The following STARD9 variants were observed in gnomAD, a reference collection of about 807,000 sequenced individuals.
STARD9 encodes StAR related lipid transfer domain containing 9.
Under a neutral mutation model 399.8 loss-of-function variants are expected in STARD9, and 346 were observed. That is an observed-to-expected ratio of 0.87 (90% CI 0.79 to 0.95). The LOEUF (loss-of-function observed/expected upper bound fraction) is 0.95, where lower values mean the gene tolerates loss of function less well. STARD9 is among the 40% of genes least tolerant of loss of function. The probability of loss-of-function intolerance (pLI) is 0.00; values close to 1 mark genes in which losing one functional copy is unlikely to be tolerated. For synonymous variants in STARD9, 2,203 were observed against 2,143.5 expected, an observed-to-expected ratio of 1.03 and a Z score of -0.77; for missense variants, 5,832 against 5,667.5, an observed-to-expected ratio of 1.03 and a Z score of -0.93.
chr15:42,661,841 A>G (rs2059999442), intron 10 of STARD9, among the ~76,000 whole-genome samples: 1 of 152,158 alleles, frequency 6.6e-6, no homozygotes, highest in Non-Finnish European at 1.5e-5. Flanking sequence ...AAGCATCAGG[A>G]TATTGTTAAA....
At chr15:42,626,393 T>TTCCTCCTCCTCTTCTTCCTCC (rs1487117215) in intron 3 of STARD9, among the ~76,000 whole-genome samples, 3 of 126,810 alleles carry the variant, frequency 2.4e-5, no homozygotes, top group Non-Finnish European at 3.3e-5. Context: ...CCTCTTCCTC[T>TTCCTCCTCCTCTTCTTCCTCC]TCCTCCTCCT....
intron 4 of STARD9, among the ~76,000 whole-genome samples, chr15:42,635,697 G>T (rs1299460424): frequency 2.6e-5 from 4 of 152,166 alleles, no homozygotes; most frequent in Non-Finnish European, 1.5e-5. Context: ...AGCAGTTCTT[G>T]TCAGTCCTGC....
Position 42,588,776 on chromosome 15 carries a change from G to GTTTTTTT in STARD9, c.234+3172_234+3178dup, listed in dbSNP as rs758570571. 3.1e-4 allele frequency among the ~76,000 whole-genome samples: 12 copies of GTTTTTTT among 38,414 alleles called. 3 individuals are homozygous for GTTTTTTT. Among genetic ancestry groups the GTTTTTTT allele is most frequent in the African/African-American group, 4.7e-4 (4 of 8,456 alleles). 25.2% of individuals were successfully genotyped at this position (38,414 alleles called of 152,430 possible). A position where few individuals can be genotyped will look rare whatever the true frequency, so the allele number is the denominator to read the frequency against. ...TAACCCAGTTTATCCTCTTCACAGC[G>GTTTTTTT]TTTTTTTTTTTTTTTTTTTTTTTTT... On this transcript the variant is annotated intron_variant, in intron 3 of 32. Coordinates refer to ENST00000290607, the MANE Select transcript of STARD9 (RefSeq NM_020759.3).
chr15:42,671,350 T>C (rs551363637), intron 16 of STARD9: 2 of 152,076 alleles, frequency 1.3e-5, no homozygotes, highest in Non-Finnish European at 2.9e-5. Context: ...AGTAAAGCAA[T>C]TTTACTTTTG....
In STARD9 at chr15:42,687,161, C is replaced by G; in HGVS notation, c.5583C>G (p.Thr1861=). The G allele has an allele frequency of 1.3e-6, 2 of 1,537,278 alleles. No individual in the cohort carries two copies. The highest frequency in any genetic ancestry group is 1.7e-6 in the Non-Finnish European group (2 of 1,146,900). The change falls in exon 23 of 33, where the codon ACC becomes ACG. Residue 1861 remains threonine, a synonymous_variant. Coordinates refer to ENST00000290607, the MANE Select transcript of STARD9 (RefSeq NM_020759.3). ...AGAACAGACATTTTCTCCCCTCTACCAGCACAAAAGTATGTGAATTTGAAA... is the reference window on the plus strand; with the variant it reads ...AGAACAGACATTTTCTCCCCTCTACGAGCACAAAAGTATGTGAATTTGAAA... ...VTQNRHFLPS[T]STKVCEFENQ...
chr15:42,600,749 T>C (rs975378607), intron 3 of STARD9, among the ~76,000 whole-genome samples: 3 of 152,060 alleles, frequency 2.0e-5, no homozygotes, highest in African/African-American at 7.2e-5. Flanking sequence ...GGTCTCGAAC[T>C]CCTGACCTCA....
At chr15:42,679,909 T>C (rs1266849171) in intron 20 of STARD9, among the ~76,000 whole-genome samples, 1 of 152,190 alleles carries the variant, frequency 6.6e-6, no homozygotes, top group African/African-American at 2.4e-5. Flanking sequence ...TCCTAAAAAG[T>C]GGTTCCCTTA....
intron 26 of STARD9, among the ~76,000 whole-genome samples, chr15:42,703,367 GTT>G (rs34868427): frequency 2.1e-4 from 29 of 140,276 alleles, no homozygotes; most frequent in African/African-American, 2.4e-4. Flanking sequence ...TGTTTTGTTT[GTT>G]TTTTTTTTTT....
intron 7 of STARD9, among the ~76,000 whole-genome samples, chr15:42,641,484 C>A (rs1054798553): frequency 2.6e-5 from 4 of 151,834 alleles, no homozygotes; most frequent in African/African-American, 9.7e-5. Flanking sequence ...TCATTTACAT[C>A]GGGTATATCT....
chr15:42,659,755 A>C (rs2059957125), intron 9 of STARD9, among the ~76,000 whole-genome samples: 4 of 152,106 alleles, frequency 2.6e-5, no homozygotes, highest in Non-Finnish European at 5.9e-5. Flanking sequence ...CAATTTCCTG[A>C]CCTCATGATC....
chr15:42,576,664 T>C (rs1308504096), intron 1 of STARD9, among the ~76,000 whole-genome samples: 1 of 152,142 alleles, frequency 6.6e-6, no homozygotes, highest in Non-Finnish European at 1.5e-5. Flanking sequence ...GTTGGAATTA[T>C]TTGGCAAGTT....
chr15:42,600,862 C>CTT (rs58223128), intron 3 of STARD9, among the ~76,000 whole-genome samples: 59 of 128,096 alleles, frequency 4.6e-4, no homozygotes, highest in South Asian at 2.3e-3. Context: ...GTTTTTCTTT[C>CTT]TTTTTTTTTT....
At chr15:42,587,517 G>A (rs2058300794) in intron 3 of STARD9, among the ~76,000 whole-genome samples, 1 of 152,156 alleles carries the variant, frequency 6.6e-6, no homozygotes, top group Admixed American at 6.5e-5. Context: ...TGAATACGAG[G>A]ACAGGGGCAG....
At chr15:42,617,450 C>A (rs1024388326) in intron 3 of STARD9, among the ~76,000 whole-genome samples, 2 of 152,006 alleles carry the variant, frequency 1.3e-5, no homozygotes, top group African/African-American at 4.8e-5. Context: ...GCAACCTACT[C>A]CTCCCAGGTT....
chr15:42,611,888 A>T (rs2058856817), intron 3 of STARD9, among the ~76,000 whole-genome samples: 1 of 152,186 alleles, frequency 6.6e-6, no homozygotes, highest in African/African-American at 2.4e-5. Flanking sequence ...CAGTAACTAT[A>T]AGAGACTAAT....
At chr15:42,707,697 C>T (rs1017697698) in intron 26 of STARD9, among the ~76,000 whole-genome samples, 1 of 152,002 alleles carries the variant, frequency 6.6e-6, no homozygotes, top group African/African-American at 2.4e-5. Context: ...GTCTTGAACT[C>T]CTGACCTCAT....
intron 7 of STARD9, among the ~76,000 whole-genome samples, chr15:42,641,338 A>G (rs772618405): frequency 2.6e-5 from 4 of 152,196 alleles, no homozygotes; most frequent in East Asian, 1.9e-4. Flanking sequence ...TTAAACCATT[A>G]CAAATACAGG....
At position 42,687,832 on chromosome 15, in the gene STARD9, T is replaced by G. The variant is rs2060598987; in HGVS notation, c.6254T>G (p.Val2085Gly). The stretch of plus-strand genomic sequence containing the variant: ...ACACCAGGAACCGATAAGGAGTTGG[T>G]GTTCCAGGACCAGAAGGAGCAGGAG... ...SHTPGTDKEL[V>G]FQDQKEQEKT... Residue 2085 changes from valine to glycine, a missense_variant, in exon 23 of 33, where the codon GTG becomes GGG. Coordinates refer to ENST00000290607, the MANE Select transcript of STARD9 (RefSeq NM_020759.3). The G allele has an allele frequency of 1.3e-6, 2 of 1,537,286 alleles. No homozygotes were observed. The highest frequency in any genetic ancestry group is 2.7e-5 in the African/African-American group (2 of 73,056).
intron 26 of STARD9, among the ~76,000 whole-genome samples, chr15:42,713,066 T>C (rs74345837): frequency 0.044 from 6,688 of 152,290 alleles, 221 homozygotes; most frequent in Middle Eastern, 0.068. Context: ...ATTAAGTCTT[T>C]AGCTCTGTGA....
Sources: allele counts gnomAD v4.1 joint callset (sites outside exome capture counted in the v4.1 genomes callset), GRCh38; gene constraint gnomAD v4.1.1; transcripts MANE v1.5; gene names NCBI Gene and HGNC (gene_info 2026-07-23, HGNC 2026-07-21).